The following RTN4RL2 variants were observed in gnomAD, a reference collection of about 807,000 sequenced individuals.
The protein encoded by RTN4RL2 is reticulon-4 receptor-like 2.
In RTN4RL2, 9 loss-of-function variants were observed where a neutral mutation model predicts 27.8. The observed-to-expected ratio is 0.32, with a 90% CI of 0.20 to 0.57. RTN4RL2 has a LOEUF of 0.57. Among genes scored for constraint, RTN4RL2 ranks in the 20% least tolerant of loss-of-function variants. RTN4RL2 has a pLI of 0.90. For synonymous variants in RTN4RL2, 285 were observed against 297.9 expected, an observed-to-expected ratio of 0.96 and a Z score of 0.45; for missense variants, 436 against 596.8, an observed-to-expected ratio of 0.73 and a Z score of 2.81.
At chr11:57,464,920 G>A (rs950629923) in intron 1 of RTN4RL2, among the ~76,000 whole-genome samples, 1 of 152,196 alleles carries the variant, frequency 6.6e-6, no homozygotes, top group African/African-American at 2.4e-5. Flanking sequence ...CGAGAAACGC[G>A]GAGGTGGTGT....
At chr11:57,475,868 C>T (rs1005788277) in intron 2 of RTN4RL2, among the ~76,000 whole-genome samples, 3 of 152,208 alleles carry the variant, frequency 2.0e-5, no homozygotes, top group African/African-American at 7.2e-5. Flanking sequence ...AGGCTCCACC[C>T]CAAACCTCCT....
In RTN4RL2 at chr11:57,467,499, C is replaced by T; in HGVS notation, c.32-110C>T. ...AAAGTGCTGGGATTACAGGTGTGAG[C>T]CACCATATTCAGCCGGGTCTAGGCC... On this transcript the variant is annotated intron_variant, in intron 1 of 2. Coordinates refer to ENST00000335099, the MANE Select transcript of RTN4RL2 (RefSeq NM_178570.3). The surrounding 1 kb of genome is among the most constrained non-coding windows in gnomAD (Gnocchi z 5.5). The T allele has an allele frequency of 6.6e-7, 1 of 1,505,426 alleles. No individual in the cohort carries two copies. Among genetic ancestry groups the T allele is most frequent in the Non-Finnish European group, 8.8e-7 (1 of 1,134,258 alleles). 93.3% of individuals were successfully genotyped at this position (1,505,426 alleles called of 1,614,324 possible).
In RTN4RL2 at chr11:57,467,634, G is replaced by A. The variant is rs1943535804; in HGVS notation, c.57G>A (p.Leu19=). The change falls in exon 2 of 3, where the codon CTG becomes CTA. Residue 19 remains leucine, a synonymous_variant. Transcript: ENST00000335099. This position sits in a 1 kb window ranked among gnomAD's most constrained non-coding sequence, Gnocchi z 5.5. The part of the protein sequence containing the change: ...LQAPASACLL[L]MLLALPLAAP... ...CTCCCGCCTCGGCCTGCCTCCTGCT[G>A]ATGCTCCTGGCCCTGCCCCTGGCGG... 1 of 1,609,290 alleles carries A rather than the reference G, an allele frequency of 6.2e-7. No homozygotes were observed. The highest frequency in any genetic ancestry group is 8.5e-7 in the Non-Finnish European group (1 of 1,177,838).
chr11:57,460,917 A>T, intron 1 of RTN4RL2, 21 bp downstream of exon 1: 1 of 1,378,676 alleles, frequency 7.3e-7, no homozygotes, highest in Non-Finnish European at 9.5e-7. Flanking sequence ...CAGCGGCGGG[A>T]GAGCGGAGGG....
chr11:57,476,198 C>T lies in RTN4RL2; in HGVS notation c.550C>T (p.Leu184Phe). ...LFADLANLSH[L>F]FLHGNRLRLL... The stretch of plus-strand genomic sequence containing the variant: ...CGCGGACCTGGCCAACCTGAGCCAC[C>T]TCTTCCTCCACGGGAACCGCCTGCG... Residue 184 changes from leucine to phenylalanine, a missense_variant, in exon 3 of 3, where the codon CTC (leucine) becomes TTC (phenylalanine). Around this residue, in one of 3 missense-constraint regions of RTN4RL2, gnomAD observed 365 missense variants for 530.5 expected, o/e 0.69. Transcript: ENST00000335099. The surrounding 1 kb of genome is among the most constrained non-coding windows in gnomAD (Gnocchi z 8.2). 1 of 1,610,996 alleles carries T rather than the reference C, an allele frequency of 6.2e-7. No homozygotes were observed. The highest frequency in any genetic ancestry group is 8.5e-7 in the Non-Finnish European group (1 of 1,178,474).
chr11:57,466,333 A>C (rs1420578021), intron 1 of RTN4RL2, among the ~76,000 whole-genome samples: 1 of 152,114 alleles, frequency 6.6e-6, no homozygotes. Flanking sequence ...AGCTGGGTGC[A>C]GTGGCACGGG....
Position 57,476,423 on chromosome 11 carries a change from A to G in RTN4RL2, c.775A>G (p.Asn259Asp). The G allele has an allele frequency of 6.3e-7, 1 of 1,597,060 alleles. No individual in the cohort carries two copies. The highest frequency in any genetic ancestry group is 8.5e-7 in the Non-Finnish European group (1 of 1,177,318). The change falls in exon 3 of 3, where the codon AAC becomes GAC. Residue 259 changes from asparagine to aspartate, a missense_variant. Transcript: ENST00000335099. The surrounding 1 kb of genome is among the most constrained non-coding windows in gnomAD (Gnocchi z 8.2). ...GCCCTCGCTCGAGTTCCTGCGGCTC[A>G]ACGCTAACCCCTGGGCGTGCGACTG... ...DLPSLEFLRL[N>D]ANPWACDCRA... is the part of the protein sequence containing the mutation.
At chr11:57,473,625 T>G (rs1229988176) in intron 2 of RTN4RL2, among the ~76,000 whole-genome samples, 1 of 149,666 alleles carries the variant, frequency 6.7e-6, no homozygotes, top group Non-Finnish European at 1.5e-5. Flanking sequence ...GCTGTGAAAG[T>G]CAAGAGCTTA....
chr11:57,471,666 G>A (rs2135121890), intron 2 of RTN4RL2, among the ~76,000 whole-genome samples: 1 of 152,324 alleles, frequency 6.6e-6, no homozygotes, highest in African/African-American at 2.4e-5. Context: ...GAGGACCACA[G>A]CTTTTCAGAA....
At chr11:57,470,736 C>T (rs1204853117) in intron 2 of RTN4RL2, among the ~76,000 whole-genome samples, 1 of 152,148 alleles carries the variant, frequency 6.6e-6, no homozygotes, top group Non-Finnish European at 1.5e-5. Flanking sequence ...ATCTCCTTAT[C>T]AATATATATT....
At chr11:57,469,245 C>T (rs1943547386) in intron 2 of RTN4RL2, among the ~76,000 whole-genome samples, 1 of 152,222 alleles carries the variant, frequency 6.6e-6, no homozygotes, top group African/African-American at 2.4e-5. Flanking sequence ...ACCAAACCCC[C>T]TGCCTTCACA....
At chr11:57,465,990 A>ATTTTT (rs35174184) in intron 1 of RTN4RL2, among the ~76,000 whole-genome samples, 3 of 77,900 alleles carry the variant, frequency 3.9e-5, no homozygotes, top group African/African-American at 1.1e-4. Flanking sequence ...CATGCCTACA[A>ATTTTT]TTTTTTTTTT....
At chr11:57,470,051 A>T (rs1184355430) in intron 2 of RTN4RL2, among the ~76,000 whole-genome samples, 3 of 152,154 alleles carry the variant, frequency 2.0e-5, no homozygotes, top group African/African-American at 7.2e-5. Flanking sequence ...CTGGCGCTTG[A>T]ACCTCATGGT....
chr11:57,472,302 T>C (rs1001290464), intron 2 of RTN4RL2, among the ~76,000 whole-genome samples: 4 of 152,092 alleles, frequency 2.6e-5, no homozygotes, highest in Non-Finnish European at 5.9e-5. Context: ...CAGCCTCACC[T>C]CCTGGGGTCA....
chr11:57,461,049 G>A (rs990409846), intron 1 of RTN4RL2, among the ~76,000 whole-genome samples, 153 bp downstream of exon 1: 2 of 152,142 alleles, frequency 1.3e-5, no homozygotes, highest in South Asian at 4.1e-4. Context: ...CCGCCGCCAG[G>A]GCTGTTCTCA....
chr11:57,462,149 A>G (rs973642505), intron 1 of RTN4RL2, among the ~76,000 whole-genome samples: 1 of 152,004 alleles, frequency 6.6e-6, no homozygotes, highest in Admixed American at 6.6e-5. Context: ...CTGTGCTGCC[A>G]TTTATTTATC....
chr11:57,460,839 GCC>G lies in RTN4RL2; in HGVS notation c.-23_-22del. The stretch of plus-strand genomic sequence containing the variant: ...CGAGTGGGAGCGCCCTCCCCCCGCT[GCC>G]CCCTCCCCCGAGCATCGAGACAAGA... On this transcript the variant is annotated 5_prime_UTR_variant, in exon 1 of 3. Transcript: ENST00000335099. 1 of 1,386,860 alleles carries G rather than the reference GCC, an allele frequency of 7.2e-7. No homozygotes were observed. Among genetic ancestry groups the G allele is most frequent in the Admixed American group, 3.0e-5 (1 of 33,198 alleles). 85.9% of individuals were successfully genotyped at this position (1,386,860 alleles called of 1,614,324 possible).
At chr11:57,462,288 TC>T (rs1943490748) in intron 1 of RTN4RL2, among the ~76,000 whole-genome samples, 1 of 151,952 alleles carries the variant, frequency 6.6e-6, no homozygotes, top group South Asian at 2.1e-4. Context: ...CGTCAGTGCC[TC>T]CCCAGGCCCC....
In RTN4RL2 at chr11:57,476,506, G is replaced by A. The variant is rs776499426; in HGVS notation, c.858G>A (p.Val286=). 45 of 1,484,230 alleles carry A rather than the reference G, an allele frequency of 3.0e-5. No homozygotes were observed. Among genetic ancestry groups the A allele is most frequent in the Non-Finnish European group, 6.2e-6 (7 of 1,127,924 alleles). The allele number at this position is 1,484,230 out of a possible 1,614,324, so 91.9% of individuals were successfully genotyped here. ...FQRARVSSSD[V]TCATPPERQG... ...GCGCGCGCGTGTCCAGCTCCGACGTGACCTGCGCCACCCCCCCGGAGCGCC... is the reference window on the plus strand; with the variant it reads ...GCGCGCGCGTGTCCAGCTCCGACGTAACCTGCGCCACCCCCCCGGAGCGCC... Residue 286 remains valine, a synonymous_variant, in exon 3 of 3, where the codon GTG becomes GTA. Transcript: ENST00000335099. The surrounding 1 kb of genome is among the most constrained non-coding windows in gnomAD (Gnocchi z 8.2).
Sources: allele counts gnomAD v4.1 joint callset (sites outside exome capture counted in the v4.1 genomes callset), GRCh38; gene constraint gnomAD v4.1.1; regional missense constraint gnomAD v4.1.1; non-coding constraint Gnocchi (gnomAD v3.1); transcripts MANE v1.5; gene names NCBI Gene and HGNC (gene_info 2026-07-23, HGNC 2026-07-21).